LMNTD1: variants seen among roughly 807,000 people sequenced by gnomAD.
LMNTD1 encodes lamin tail domain-containing protein 1.
LMNTD1 carries 35 observed loss-of-function variants against 50.9 expected under a neutral mutation model. The observed-to-expected ratio is 0.69, with a 90% CI of 0.53 to 0.91. LMNTD1 has a LOEUF of 0.91. Among genes scored for constraint, LMNTD1 ranks in the 40% least tolerant of loss-of-function variants. LMNTD1 has a pLI of 0.00. For synonymous variants in LMNTD1, 153 were observed against 161.9 expected, an observed-to-expected ratio of 0.94 and a Z score of 0.42; for missense variants, 470 against 475.5, an observed-to-expected ratio of 0.99 and a Z score of 0.11.
chr12:25,479,033 C>G lies in LMNTD1; in HGVS notation c.*23-2573G>C, dbSNP rs1233033939. On this transcript the variant is annotated intron_variant, in intron 9 of 9. Coordinates refer to ENST00000458174, the MANE Select transcript of LMNTD1 (RefSeq NM_001145728.2). ...GATGCCCTAAGGGATCTCCTGTATTCCATGAGTACTCTTCCCTACCTCTGT... is the reference window on the plus strand; with the variant it reads ...GATGCCCTAAGGGATCTCCTGTATTGCATGAGTACTCTTCCCTACCTCTGT... Among the ~76,000 whole-genome samples, 8 of 152,240 alleles carry G rather than the reference C, an allele frequency of 5.3e-5. No individual in the cohort carries two copies. In the South Asian group the frequency reaches 1.5e-3, roughly 28 times the overall value.
At chr12:25,598,327 T>C (rs1032002769) in intron 1 of LMNTD1, among the ~76,000 whole-genome samples, 3 of 151,952 alleles carry the variant, frequency 2.0e-5, no homozygotes, top group Non-Finnish European at 2.9e-5. Flanking sequence ...GAAACACATA[T>C]ACCAAAACCT....
chr12:25,499,778 A>C (rs1237912737), intron 9 of LMNTD1: 1 of 151,730 alleles, frequency 6.6e-6, no homozygotes, highest in Non-Finnish European at 1.5e-5. Flanking sequence ...TCCTGTGTGC[A>C]GCAGGCTTGA....
intron 1 of LMNTD1, among the ~76,000 whole-genome samples, chr12:25,581,639 A>C (rs746562602): frequency 2.4e-4 from 36 of 152,254 alleles, no homozygotes; most frequent in African/African-American, 8.7e-4. Context: ...GAAAATATAC[A>C]GTTGTGTGTT....
intron 9 of LMNTD1, among the ~76,000 whole-genome samples, chr12:25,488,917 G>A (rs1484267162): frequency 1.3e-5 from 2 of 152,166 alleles, no homozygotes; most frequent in African/African-American, 2.4e-5. Flanking sequence ...CCTGCTGGGG[G>A]GTGCCTCCCA....
intron 2 of LMNTD1, among the ~76,000 whole-genome samples, chr12:25,551,583 G>T (rs1476727278): frequency 6.6e-6 from 1 of 152,092 alleles, no homozygotes; most frequent in East Asian, 1.9e-4. Context: ...TAGACATGTG[G>T]TGTTGCTATG....
At chr12:25,497,103 T>C (rs1939103732) in intron 9 of LMNTD1, among the ~76,000 whole-genome samples, 1 of 152,156 alleles carries the variant, frequency 6.6e-6, no homozygotes, top group Non-Finnish European at 1.5e-5. Context: ...AACCCATTCA[T>C]CTGTCGATGA....
chr12:25,476,184 G>T lies in LMNTD1; in HGVS notation c.*299C>A, dbSNP rs895921270. ...CAAAATAACTTTGTTTACAAAAAGA[G>T]AAATCTAAGGCAAATAGCAATTTTA... On this transcript the variant is annotated 3_prime_UTR_variant, in exon 10 of 10. Coordinates refer to ENST00000458174, the MANE Select transcript of LMNTD1 (RefSeq NM_001145728.2). 6.6e-6 allele frequency: 1 copy of T among 152,202 alleles called. No homozygotes were observed. The highest frequency in any genetic ancestry group is 2.4e-5 in the African/African-American group (1 of 41,448). The allele number at this position is 152,202 out of a possible 1,614,324, so 9.4% of individuals were successfully genotyped here.
intron 9 of LMNTD1, among the ~76,000 whole-genome samples, chr12:25,483,268 A>C (rs1034010074): frequency 6.6e-6 from 1 of 151,556 alleles, no homozygotes; most frequent in Non-Finnish European, 1.5e-5. Context: ...CTAAAAAAAT[A>C]CAAAAATTAG....
At chr12:25,623,977 A>C (rs1382520805) in intron 1 of LMNTD1, among the ~76,000 whole-genome samples, 1 of 152,112 alleles carries the variant, frequency 6.6e-6, no homozygotes, top group African/African-American at 2.4e-5. Flanking sequence ...GGGTGCTCAG[A>C]ATTCATCATC....
chr12:25,526,437 C>T (rs1941715070), intron 5 of LMNTD1, among the ~76,000 whole-genome samples: 1 of 152,100 alleles, frequency 6.6e-6, no homozygotes, highest in South Asian at 2.1e-4. Flanking sequence ...AGCTAATTAT[C>T]TGTTCTCTAA....
At chr12:25,564,174 T>C (rs989273865) in intron 1 of LMNTD1, among the ~76,000 whole-genome samples, 11 of 152,160 alleles carry the variant, frequency 7.2e-5, no homozygotes, top group African/African-American at 2.4e-4. Context: ...ATGAACCCGG[T>C]ACCTCAGCTG....
chr12:25,488,669 C>G (rs1938756224), intron 9 of LMNTD1, among the ~76,000 whole-genome samples: 1 of 152,126 alleles, frequency 6.6e-6, no homozygotes, highest in African/African-American at 2.4e-5. Context: ...TGTTCCGTTG[C>G]TGGTGAGGAA....
intron 2 of LMNTD1, among the ~76,000 whole-genome samples, chr12:25,550,573 A>C (rs1342994659): frequency 6.6e-6 from 1 of 152,206 alleles, no homozygotes; most frequent in Non-Finnish European, 1.5e-5. Context: ...TCCATGAATT[A>C]TCTCTGTTTT....
intron 1 of LMNTD1, among the ~76,000 whole-genome samples, chr12:25,635,240 CA>C (rs35630911): frequency 0.023 from 2,627 of 114,066 alleles, 29 homozygotes; most frequent in Non-Finnish European, 0.031. Context: ...AACTCTGTCT[CA>C]AAAAAAAAAA....
At chr12:25,576,308 C>T (rs1291700875) in intron 1 of LMNTD1, among the ~76,000 whole-genome samples, 4 of 152,206 alleles carry the variant, frequency 2.6e-5, no homozygotes, top group Admixed American at 1.3e-4. Context: ...GTCCCACCAA[C>T]AGTGTAAAAG....
chr12:25,583,006 C>A (rs1945362878), intron 1 of LMNTD1, among the ~76,000 whole-genome samples: 2 of 148,380 alleles, frequency 1.3e-5, no homozygotes, highest in Admixed American at 6.8e-5. Flanking sequence ...TGACACCATG[C>A]CTGGATAATT....
At chr12:25,640,131 C>T (rs1946921276) in intron 1 of LMNTD1, among the ~76,000 whole-genome samples, 1 of 152,100 alleles carries the variant, frequency 6.6e-6, no homozygotes, top group Non-Finnish European at 1.5e-5. Flanking sequence ...GTAATTGCCT[C>T]AAGCTAGGTG....
chr12:25,542,456 T>C (rs1943149836), intron 4 of LMNTD1, among the ~76,000 whole-genome samples: 2 of 150,246 alleles, frequency 1.3e-5, no homozygotes, highest in South Asian at 4.2e-4. Context: ...TTATTCTCAG[T>C]AAACTATCGC....
At chr12:25,525,548 GAGGCT>G (rs1941644989) in intron 6 of LMNTD1, among the ~76,000 whole-genome samples, 1 of 152,156 alleles carries the variant, frequency 6.6e-6, no homozygotes, top group African/African-American at 2.4e-5. Context: ...GAAAGTTGAA[GAGGCT>G]TCTTAGGAAT....
Sources: gnomAD v4.1 joint callset for allele counts (sites outside exome capture counted in the v4.1 genomes callset) on GRCh38, gnomAD v4.1.1 for gene constraint, MANE v1.5 for transcripts, NCBI Gene and HGNC (gene_info 2026-07-23, HGNC 2026-07-21) for gene names.